Variants in COL5A2 observed in about 807,000 individuals in gnomAD.
COL5A2 encodes collagen alpha-2(V) chain.
A neutral mutation model predicts 208.2 loss-of-function variants in COL5A2; 23 were observed. The observed-to-expected ratio is 0.11, with a 90% CI of 0.08 to 0.16. COL5A2 has a LOEUF of 0.16. COL5A2 is among the 10% of genes least tolerant of loss of function. The pLI is 1.00. For missense variants in COL5A2, 1,590 were observed against 1,956.4 expected, an observed-to-expected ratio of 0.81 and a Z score of 3.53; for synonymous variants, 625 against 628.5, an observed-to-expected ratio of 0.99 and a Z score of 0.08.
chr2:189,091,233 A>C (rs938480507), intron 7 of COL5A2, among the ~76,000 whole-genome samples: 6 of 152,192 alleles, frequency 3.9e-5, no homozygotes, highest in African/African-American at 1.2e-4. Flanking sequence ...GTAGAGCCTG[A>C]AGATGTTGCT....
chr2:189,408,815 A>G, the COL5A2 span, among the ~76,000 whole-genome samples: 17 of 152,152 alleles, frequency 1.1e-4, no homozygotes, highest in Admixed American at 3.9e-4. Context: ...ATCCAGATAT[A>G]TTTGTGAGTC....
intron 16 of COL5A2, among the ~76,000 whole-genome samples, chr2:189,077,698 G>A (rs1686440472): frequency 6.6e-6 from 1 of 152,144 alleles, no homozygotes; most frequent in African/African-American, 2.4e-5. Flanking sequence ...CTGGTGAGAG[G>A]GTCTTACACT....
At chr2:189,078,472 G>T (rs780757945) in intron 16 of COL5A2, 44 bp downstream of exon 16, 1 of 1,462,256 alleles carries the variant, frequency 6.8e-7, no homozygotes. Context: ...AAAATGAATT[G>T]AAATACACAT....
chr2:189,338,171 G>C, the COL5A2 span, among the ~76,000 whole-genome samples: 1 of 151,978 alleles, frequency 6.6e-6, no homozygotes, highest in East Asian at 1.9e-4. Flanking sequence ...CCCAAACCAG[G>C]GGGTACCTAT....
chr2:189,344,813 C>A, the COL5A2 span, among the ~76,000 whole-genome samples: 1 of 152,122 alleles, frequency 6.6e-6, no homozygotes, highest in South Asian at 2.1e-4. Flanking sequence ...AAAGAGAGAC[C>A]AAGACTCACC....
intron 50 of COL5A2, 117 bp downstream of exon 50, chr2:189,041,469 G>A (rs377194968): frequency 1.4e-4 from 113 of 812,818 alleles, no homozygotes; most frequent in East Asian, 1.3e-3. Context: ...TGACTTCTAC[G>A]TTTGTTTTCG....
At chr2:189,162,429 G>A (rs1315241696) in intron 1 of COL5A2, among the ~76,000 whole-genome samples, 1 of 152,144 alleles carries the variant, frequency 6.6e-6, no homozygotes, top group Admixed American at 6.6e-5. Context: ...TTAATAAAAC[G>A]TTGAATTTGT....
At chr2:189,175,923 C>T (rs931303559) in intron 1 of COL5A2, among the ~76,000 whole-genome samples, 2 of 152,120 alleles carry the variant, frequency 1.3e-5, no homozygotes, top group African/African-American at 2.4e-5. Flanking sequence ...GTCTGAATGT[C>T]CTACATGTTT....
chr2:189,425,375 A>G, the COL5A2 span, among the ~76,000 whole-genome samples: 1 of 152,204 alleles, frequency 6.6e-6, no homozygotes, highest in African/African-American at 2.4e-5. Context: ...AAATGAAATC[A>G]GTATGTCAAA....
At chr2:189,296,678 A>C in the COL5A2 span, among the ~76,000 whole-genome samples, 152 of 152,310 alleles carry the variant, frequency 1.0e-3, no homozygotes, top group African/African-American at 3.5e-3. Context: ...TTTAAAGTAT[A>C]GTCCTTCTTG....
At chr2:189,432,033 C>T in the COL5A2 span, among the ~76,000 whole-genome samples, 14 of 152,158 alleles carry the variant, frequency 9.2e-5, no homozygotes, top group Admixed American at 3.9e-4. Context: ...AAAGAGTGGG[C>T]GACAGTATTC....
chr2:189,034,163 C>T lies in COL5A2; in HGVS notation c.4407G>A (p.Val1469=). 6.2e-7 allele frequency: 1 copy of T among 1,613,986 alleles called. No homozygotes were observed. Among genetic ancestry groups the T allele is most frequent in the African/African-American group, 1.3e-5 (1 of 75,020 alleles). ...KTVFEYRTQN[V]ARLPIIDLAP... ...CAAGATCTATGATGGGCAAGCGTGCCACATTCTGTGTTCTATATTCAAAGA... is the reference window on the plus strand; with the variant it reads ...CAAGATCTATGATGGGCAAGCGTGCTACATTCTGTGTTCTATATTCAAAGA... The change falls in exon 54 of 54, where the codon GTG becomes GTA. Residue 1469 remains valine (V), a synonymous_variant. Transcript: ENST00000374866.
intron 1 of COL5A2, among the ~76,000 whole-genome samples, chr2:189,155,919 T>G (rs1251691153): frequency 2.0e-5 from 3 of 152,078 alleles, no homozygotes; most frequent in African/African-American, 7.2e-5. Flanking sequence ...CCAACTACAT[T>G]CCTTTACTCA....
rs117917418 is a variant in COL5A2 at position 189,110,461 on chromosome 2, A to C, written c.98-12T>G. ...TTCACCATATCCTTCTAAAATAAGA[A>C]AAGAAAGAAGAGGTTAGTAATCTGA... On this transcript the variant is annotated splice_polypyrimidine_tract_variant and intron_variant, in intron 1 of 53. Coordinates refer to ENST00000374866, the MANE Select transcript of COL5A2 (RefSeq NM_000393.5). 0.011 allele frequency: 18,323 copies of C among 1,606,384 alleles called. 717 individuals carry two copies. The Admixed American group carries it at 0.13, about 11-fold the overall frequency.
intron 10 of COL5A2, 69 bp downstream of exon 10, chr2:189,085,650 T>C: frequency 7.5e-7 from 1 of 1,329,944 alleles, no homozygotes; most frequent in Non-Finnish European, 1.1e-6. Context: ...GATAAATAAC[T>C]CAATATTTGA....
At chr2:189,373,763 A>G in the COL5A2 span, among the ~76,000 whole-genome samples, 22 of 152,246 alleles carry the variant, frequency 1.4e-4, no homozygotes, top group Admixed American at 2.0e-4. Context: ...TAAGAGAGCA[A>G]AAATGAATGC....
intron 7 of COL5A2, among the ~76,000 whole-genome samples, chr2:189,089,280 T>G (rs751668582): frequency 8.5e-5 from 13 of 152,218 alleles, no homozygotes; most frequent in Non-Finnish European, 1.3e-4. Flanking sequence ...AACACTTTTA[T>G]AGTCCTTTTA....
the COL5A2 span, among the ~76,000 whole-genome samples, chr2:189,374,096 G>A: frequency 6.6e-6 from 1 of 152,070 alleles, no homozygotes; most frequent in Non-Finnish European, 1.5e-5. Flanking sequence ...ACCTGGGAAA[G>A]CAGCCATAAA....
intron 1 of COL5A2, among the ~76,000 whole-genome samples, chr2:189,115,496 G>T (rs1019590711): frequency 1.3e-5 from 2 of 151,840 alleles, no homozygotes; most frequent in African/African-American, 4.8e-5. Context: ...AATTATTGGA[G>T]TCTACTTACA....
Sources: allele counts gnomAD v4.1 joint callset (sites outside exome capture counted in the v4.1 genomes callset), GRCh38; gene constraint gnomAD v4.1.1; transcripts MANE v1.5; gene names NCBI Gene and HGNC (gene_info 2026-07-23, HGNC 2026-07-21).